FBH1: variants seen among roughly 807,000 people sequenced by gnomAD.
FBH1 encodes the protein F-box DNA helicase 1, also known as DNA 3'-5' helicase 1.
A neutral mutation model predicts 115.5 loss-of-function variants in FBH1; 43 were observed. That is an observed-to-expected ratio of 0.37 (90% CI 0.29 to 0.48). The LOEUF (loss-of-function observed/expected upper bound fraction) is 0.48. Ranked by LOEUF, FBH1 falls within the 20% of genes least tolerant of loss-of-function variation. FBH1 has a pLI of 0.99. For missense variants in FBH1, 1,001 were observed against 1,337.3 expected (o/e 0.75, Z 3.92); for synonymous variants, 524 against 507.8 (o/e 1.03, Z -0.43).
In FBH1 at chr10:5,931,043, G is replaced by A. The variant is rs1832943348; in HGVS notation, c.2829+3502G>A. Among the ~76,000 whole-genome samples, 1 of 152,132 alleles carries A rather than the reference G, an allele frequency of 6.6e-6. No homozygotes were observed. The highest frequency in any genetic ancestry group is 1.5e-5 in the Non-Finnish European group (1 of 68,012). On this transcript the variant is annotated intron_variant, in intron 19 of 20. Coordinates refer to ENST00000362091, the MANE Select transcript of FBH1 (RefSeq NM_178150.3). This position sits in a 1 kb window ranked among gnomAD's most constrained non-coding sequence, Gnocchi z 4.3. ...CTCCCAAAGTTCTGGGATTATAGGT[G>A]TGACACCAGGCAAATTTCAACATTT...
At position 5,923,713 on chromosome 10, in the gene FBH1, C is replaced by A; in HGVS notation, c.2398+17C>A. ...GGAGGAAACGTGAGTACCCACCTGGCCTTGGTGCATTGGAAGGACGCACCC... is the reference window on the plus strand; with the variant it reads ...GGAGGAAACGTGAGTACCCACCTGGACTTGGTGCATTGGAAGGACGCACCC... On this transcript the variant is annotated intron_variant, in intron 16 of 20. Transcript: ENST00000362091. This position sits in a 1 kb window ranked among gnomAD's most constrained non-coding sequence, Gnocchi z 5.7. 2 of 1,609,606 alleles carry A rather than the reference C, an allele frequency of 1.2e-6. No individual in the cohort carries two copies. Among genetic ancestry groups the A allele is most frequent in the Non-Finnish European group, 1.7e-6 (2 of 1,176,992 alleles).
chr10:5,906,420 G>A lies in FBH1; in HGVS notation c.541G>A (p.Asp181Asn), dbSNP rs201826348. ...SRLSAESGET[D>N]QDAGDVGPDP... ...GCTCTCTGCGGAGTCTGGTGAAACC[G>A]ACCAAGATGCTGGGGACGTGGGTCC... The change falls in exon 3 of 21, where the codon GAC becomes AAC. Residue 181 changes from aspartate to asparagine, a missense_variant. Physicochemically the swap from Asp to Asn is conservative, Grantham distance 23. Transcript: ENST00000362091. This position sits in a 1 kb window ranked among gnomAD's most constrained non-coding sequence, Gnocchi z 7.3. 202 of 1,614,078 alleles carry A rather than the reference G, an allele frequency of 1.3e-4. No individual in the cohort carries two copies. The highest frequency in any genetic ancestry group is 1.8e-4 in the East Asian group (8 of 44,900).
rs200374270 is a variant in FBH1, at chr10:5,900,648, GT to G, written c.2-2363del. On this transcript the variant is annotated intron_variant, in intron 1 of 20. Transcript: ENST00000362091. The surrounding 1 kb of genome is among the most constrained non-coding windows in gnomAD (Gnocchi z 4.2). ...GGAAAAGTCTTAAAATATTCATGAAGTTTTTTTTTAAAAAAGCTGGTATTAA... is the reference window on the plus strand; with the variant it reads ...GGAAAAGTCTTAAAATATTCATGAAGTTTTTTTTAAAAAAGCTGGTATTAA... Among the ~76,000 whole-genome samples, 1 of 151,788 alleles carries G rather than the reference GT, an allele frequency of 6.6e-6. No individual in the cohort carries two copies.
At chr10:5,929,783 T>G (rs1285050788) in intron 19 of FBH1, 1 of 152,332 alleles carries the variant, frequency 6.6e-6, no homozygotes, top group East Asian at 1.9e-4. Flanking sequence ...AAGAAAAGTG[T>G]GACTTTAAAA....
intron 18 of FBH1, among the ~76,000 whole-genome samples, chr10:5,927,042 C>T (rs1186742388): frequency 1.3e-5 from 2 of 152,196 alleles, no homozygotes. Context: ...GCTCCCAGGC[C>T]CTTGATTAGC....
chr10:5,933,631 G>A lies in FBH1; in HGVS notation c.2830-2825G>A, dbSNP rs1433631782. 6.6e-6 allele frequency among the ~76,000 whole-genome samples: 1 copy of A among 151,122 alleles called. No homozygotes were observed. Among genetic ancestry groups the A allele is most frequent in the African/African-American group, 2.5e-5 (1 of 40,710 alleles). The stretch of plus-strand genomic sequence containing the variant: ...GCTGTAAGACCTTGTTAGAAGTGGA[G>A]GCACTCTGCTGTTTTTTTTTTTTTT... On this transcript the variant is annotated intron_variant, in intron 19 of 20. Transcript: ENST00000362091. The surrounding 1 kb of genome is among the most constrained non-coding windows in gnomAD (Gnocchi z 4.9).
rs1564443457 is a variant in FBH1, at chr10:5,909,282, CGCT to C, written c.1014_1016del (p.Ala339del). 7 of 1,610,166 alleles carry C rather than the reference CGCT, an allele frequency of 4.3e-6. No individual in the cohort carries two copies. The highest frequency in any genetic ancestry group is 5.9e-6 in the Non-Finnish European group (7 of 1,179,924). On this transcript the variant is annotated inframe_deletion, in exon 5 of 21. Coordinates refer to ENST00000362091, the MANE Select transcript of FBH1 (RefSeq NM_178150.3). The surrounding 1 kb of genome is among the most constrained non-coding windows in gnomAD (Gnocchi z 4.4). ...TGCGGCAACACCTCCCCGACCTCTA[CGCT>C]GCTGCCGGGGTAGGTCTGGAGGCTG...
At position 5,923,207 on chromosome 10, in the gene FBH1, A is replaced by G. The variant is rs927021390; in HGVS notation, c.2323-414A>G. 6.6e-6 allele frequency among the ~76,000 whole-genome samples: 1 copy of G among 152,228 alleles called. No individual in the cohort carries two copies. Among genetic ancestry groups the G allele is most frequent in the Non-Finnish European group, 1.5e-5 (1 of 68,040 alleles). ...CTGTAGTTCTTTTCTCACAAGAAAC[A>G]GTGGTAAATGTGCATACCCAGCACT... On this transcript the variant is annotated intron_variant, in intron 15 of 20. Coordinates refer to ENST00000362091, the MANE Select transcript of FBH1 (RefSeq NM_178150.3). The surrounding 1 kb of genome is among the most constrained non-coding windows in gnomAD (Gnocchi z 5.7).
In FBH1 at chr10:5,932,536, T is replaced by C. The variant is rs1833024587; in HGVS notation, c.2830-3920T>C. On this transcript the variant is annotated intron_variant, in intron 19 of 20. Coordinates refer to ENST00000362091, the MANE Select transcript of FBH1 (RefSeq NM_178150.3). This position sits in a 1 kb window ranked among gnomAD's most constrained non-coding sequence, Gnocchi z 5.9. ...CATAGTGTTCTGTGTTGACGCACTG[T>C]GATTTATGCCGTTCTCGCTCATGGA... is the stretch of plus-strand genomic sequence containing the variant. 1.3e-5 allele frequency among the ~76,000 whole-genome samples: 2 copies of C among 152,228 alleles called. No homozygotes were observed. The highest frequency in any genetic ancestry group is 2.9e-5 in the Non-Finnish European group (2 of 68,040).
Position 5,931,182 on chromosome 10 carries a change from C to T in FBH1, c.2829+3641C>T, listed in dbSNP as rs1211750407. 5.9e-5 allele frequency among the ~76,000 whole-genome samples: 9 copies of T among 152,224 alleles called. No homozygotes were observed. The highest frequency in any genetic ancestry group is 5.9e-4 in the Admixed American group (9 of 15,288). The stretch of plus-strand genomic sequence containing the variant: ...ATCTGCCAGCCATCACGGAGCTGTC[C>T]TGGTGGCCCCTGGCCATCCTAGCAC... On this transcript the variant is annotated intron_variant, in intron 19 of 20. Transcript: ENST00000362091. The surrounding 1 kb of genome is among the most constrained non-coding windows in gnomAD (Gnocchi z 4.3).
rs565300105 is a variant in FBH1, at chr10:5,918,955, T to G, written c.2100+477T>G. ...CCTTGATTATGCGAAAAGTTTATTA[T>G]GCGCTCCTTCCTTTCCAATCACATG... is the stretch of plus-strand genomic sequence containing the variant. On this transcript the variant is annotated intron_variant, in intron 13 of 20. Coordinates refer to ENST00000362091, the MANE Select transcript of FBH1 (RefSeq NM_178150.3). The surrounding 1 kb of genome is among the most constrained non-coding windows in gnomAD (Gnocchi z 4.0). Among the ~76,000 whole-genome samples, 2 of 152,376 alleles carry G rather than the reference T, an allele frequency of 1.3e-5. No homozygotes were observed. Among genetic ancestry groups the G allele is most frequent in the East Asian group, 3.9e-4 (2 of 5,190 alleles).
chr10:5,903,085 G>T lies in FBH1; in HGVS notation c.67G>T (p.Ala23Ser). 6.2e-7 allele frequency: 1 copy of T among 1,613,840 alleles called. No individual in the cohort carries two copies. The highest frequency in any genetic ancestry group is 8.5e-7 in the Non-Finnish European group (1 of 1,179,902). Residue 23 changes from alanine to serine, a missense_variant, in exon 2 of 21, where the codon GCT becomes TCT. Ala to Ser is a moderately conservative substitution (Grantham distance 99). This residue lies in a region of FBH1 where 420 missense variants were observed against 430.4 expected (regional missense o/e 0.98). Transcript: ENST00000362091. ...DCQHLARSHL[A>S]VTQPFGQRWT... ...CCAGCATTTGGCTCGGAGTCACTTG[G>T]CTGTGACCCAGCCCTTCGGTCAAAG...
rs1303919523 is a variant in FBH1 at position 5,931,660 on chromosome 10, A to T, written c.2829+4119A>T. Among the ~76,000 whole-genome samples the T allele has an allele frequency of 6.6e-6, 1 of 152,206 alleles. No individual in the cohort carries two copies. The highest frequency in any genetic ancestry group is 1.5e-5 in the Non-Finnish European group (1 of 68,038). ...TAACAGCTCCATTTCTCCATGAATG[A>T]TGTATTTATTAGTCAAAATATCATG... is the stretch of plus-strand genomic sequence containing the variant. On this transcript the variant is annotated intron_variant, in intron 19 of 20. Transcript: ENST00000362091. This position sits in a 1 kb window ranked among gnomAD's most constrained non-coding sequence, Gnocchi z 4.3.
intron 10 of FBH1, 100 bp downstream of exon 10, chr10:5,916,556 T>C: frequency 8.6e-7 from 1 of 1,163,598 alleles, no homozygotes; most frequent in Non-Finnish European, 1.2e-6. Context: ...GTGTTAGGGG[T>C]CTGAGGATGG....
rs1160230184 is a variant in FBH1 at position 5,923,833 on chromosome 10, C to T, written c.2398+137C>T. 16 of 766,914 alleles carry T rather than the reference C, an allele frequency of 2.1e-5. No individual in the cohort carries two copies. Among genetic ancestry groups the T allele is most frequent in the Middle Eastern group, 2.5e-4 (1 of 3,972 alleles). The allele number at this position is 766,914 out of a possible 1,614,324, so 47.5% of individuals were successfully genotyped here. On this transcript the variant is annotated intron_variant, in intron 16 of 20. Transcript: ENST00000362091. This position sits in a 1 kb window ranked among gnomAD's most constrained non-coding sequence, Gnocchi z 5.7. Reference sequence around the variant, plus strand: ...AGCTAGTGTTGCTGTCTTCCCATGACGAGGGGGGTGCCTCGGGCCTCCTGT... The same window carrying T: ...AGCTAGTGTTGCTGTCTTCCCATGATGAGGGGGGTGCCTCGGGCCTCCTGT...
In FBH1 at chr10:5,908,908, G is replaced by GT. The variant is rs1375205076; in HGVS notation, c.754-11dup. The GT allele has an allele frequency of 6.2e-7, 1 of 1,613,174 alleles. No homozygotes were observed. Among genetic ancestry groups the GT allele is most frequent in the Non-Finnish European group, 8.5e-7 (1 of 1,179,938 alleles). ...CCCTTTGCCTCATGTTATTTTGTTT[G>GT]TTTTTTAACTGCATAGTTCATTCCT... On this transcript the variant is annotated splice_polypyrimidine_tract_variant and intron_variant, in intron 3 of 20. Coordinates refer to ENST00000362091, the MANE Select transcript of FBH1 (RefSeq NM_178150.3).
In FBH1 at chr10:5,913,808, A is replaced by G. The variant is rs146129769; in HGVS notation, c.1273A>G (p.Lys425Glu). The G allele has an allele frequency of 2.6e-5, 41 of 1,597,712 alleles. No homozygotes were observed. In the African/African-American group the frequency reaches 4.9e-4, roughly 19 times the overall value. The change falls in exon 7 of 21, where the codon AAA becomes GAA. Residue 425 changes from lysine (K) to glutamate (E), a missense_variant. Transcript: ENST00000362091. This position sits in a 1 kb window ranked among gnomAD's most constrained non-coding sequence, Gnocchi z 4.4. ...GGAGAATTCCTGCACTCAGGCCACAAAAGTTAAAGAGGAGCCATCTGTCTG... is the reference window on the plus strand; with the variant it reads ...GGAGAATTCCTGCACTCAGGCCACAGAAGTTAAAGAGGAGCCATCTGTCTG... ...LQENSCTQAT[K>E]VKEEPSVWPG...
intron 1 of FBH1, among the ~76,000 whole-genome samples, chr10:5,902,323 A>G (rs1333749048): frequency 6.6e-6 from 1 of 152,166 alleles, no homozygotes; most frequent in Non-Finnish European, 1.5e-5. Context: ...ACTACAATTA[A>G]AAAAAATTTA....
rs1230811680 is a variant in FBH1, at chr10:5,937,199, G to A, written c.3051G>A (p.Pro1017=). The A allele has an allele frequency of 5.6e-6, 9 of 1,614,028 alleles. No individual in the cohort carries two copies. Among genetic ancestry groups the A allele is most frequent in the South Asian group, 2.2e-5 (2 of 91,022 alleles). ...IGPLAFLTAS[P]EQVRAMERTV... ...CCCTGGCGTTCCTGACAGCCTCCCC[G>A]GAGCAGGTGCGCGCCATGGAGCGCA... The change falls in exon 21 of 21, where the codon CCG becomes CCA. Residue 1017 remains proline (P), a synonymous_variant. Coordinates refer to ENST00000362091, the MANE Select transcript of FBH1 (RefSeq NM_178150.3).
Sources: gnomAD v4.1 joint callset for allele counts (sites outside exome capture counted in the v4.1 genomes callset) on GRCh38, gnomAD v4.1.1 for gene constraint, gnomAD v4.1.1 regional missense constraint, Gnocchi (gnomAD v3.1) non-coding constraint, MANE v1.5 for transcripts, NCBI Gene and HGNC (gene_info 2026-07-23, HGNC 2026-07-21) for gene names.